CREM: variants seen among roughly 807,000 people sequenced by gnomAD.
The protein encoded by CREM is cAMP-responsive element modulator.
Under a neutral mutation model 37.3 loss-of-function variants are expected in CREM, and 13 were observed. The observed-to-expected ratio is 0.35, with a 90% CI of 0.23 to 0.55. CREM has a LOEUF of 0.55. Ranked by LOEUF, CREM falls within the 20% of genes least tolerant of loss-of-function variation. The pLI, the probability that CREM is intolerant of heterozygous loss-of-function variation, is 0.88. For missense variants in CREM, 296 were observed against 362.3 expected, an observed-to-expected ratio of 0.82 and a Z score of 1.49; for synonymous variants, 124 against 120.2, an observed-to-expected ratio of 1.03 and a Z score of -0.21.
intron 7 of CREM, among the ~76,000 whole-genome samples, chr10:35,210,065 TAA>T (rs111305829): frequency 4.0e-4 from 57 of 142,130 alleles, no homozygotes; most frequent in Admixed American, 5.6e-4. Context: ...TCAGCTATCT[TAA>T]AAAAAAAAAA....
rs764221989 is a variant in CREM at position 35,177,138 on chromosome 10, G to A, written c.169-1751G>A. On this transcript the variant is annotated intron_variant, in intron 3 of 7. Coordinates refer to ENST00000685392, the MANE Select transcript of CREM (RefSeq NM_183011.2). The stretch of plus-strand genomic sequence containing the variant: ...ATACATAGTATAGTCCTTTTCTTGC[G>A]TGTTCAAGTAGTTTATCACAGTAGA... Among the ~76,000 whole-genome samples, 8 of 152,132 alleles carry A rather than the reference G, an allele frequency of 5.3e-5. No individual in the cohort carries two copies. The East Asian group carries it at 9.6e-4, about 18-fold the overall frequency.
At chr10:35,201,452 T>G in intron 6 of CREM, 2 of 1,551,608 alleles carry the variant, frequency 1.3e-6, no homozygotes, top group Non-Finnish European at 1.7e-6. Flanking sequence ...ATTTTACAGA[T>G]GAGGAAACTG....
In CREM at chr10:35,212,327, G is replaced by T. The variant is rs1387641233; in HGVS notation, c.*929G>T. The T allele has an allele frequency of 1.3e-5, 2 of 152,150 alleles. No individual in the cohort carries two copies. Among genetic ancestry groups the T allele is most frequent in the Non-Finnish European group, 2.9e-5 (2 of 68,012 alleles). The allele number at this position is 152,150 out of a possible 1,614,324, so 9.4% of individuals were successfully genotyped here. On this transcript the variant is annotated 3_prime_UTR_variant, in exon 8 of 8. Coordinates refer to ENST00000685392, the MANE Select transcript of CREM (RefSeq NM_183011.2). Reference sequence around the variant, plus strand: ...TTAAAAAAAAAAAGATTGTATTGCTGTCCTTGAATGCCATAGTCAAAGAGA... The same window carrying T: ...TTAAAAAAAAAAAGATTGTATTGCTTTCCTTGAATGCCATAGTCAAAGAGA...
intron 1 of CREM, among the ~76,000 whole-genome samples, chr10:35,134,654 A>T (rs1190131932): frequency 6.6e-6 from 1 of 152,300 alleles, no homozygotes; most frequent in South Asian, 2.1e-4. Flanking sequence ...TTCAGATTTC[A>T]CCATTTGTTC....
At chr10:35,158,817 G>GTTTTTTTTT (rs1491230780) in intron 3 of CREM, among the ~76,000 whole-genome samples, 2 of 65,030 alleles carry the variant, frequency 3.1e-5, no homozygotes, top group African/African-American at 9.1e-5. Flanking sequence ...TTGTTGTTTT[G>GTTTTTTTTT]TTTGTTTTTT....
At chr10:35,182,855 G>A (rs1277148239) in intron 5 of CREM, among the ~76,000 whole-genome samples, 2 of 152,192 alleles carry the variant, frequency 1.3e-5, no homozygotes, top group East Asian at 3.8e-4. Flanking sequence ...TGAGCTGGTC[G>A]AAGAAAGTCT....
intron 2 of CREM, among the ~76,000 whole-genome samples, chr10:35,147,619 A>G (rs1186106219): frequency 6.6e-6 from 1 of 152,208 alleles, no homozygotes; most frequent in Non-Finnish European, 1.5e-5. Context: ...TTTAATTTAG[A>G]CGATGGGGAA....
intron 6 of CREM, 48 bp downstream of exon 6, chr10:35,188,436 A>G (rs1344588381): frequency 6.7e-7 from 1 of 1,488,282 alleles, no homozygotes; most frequent in Non-Finnish European, 9.1e-7. Context: ...GGATTACTAT[A>G]TCACACCATT....
intron 1 of CREM, among the ~76,000 whole-genome samples, chr10:35,129,924 TGG>T (rs1181591880): frequency 3.9e-5 from 6 of 152,184 alleles, no homozygotes; most frequent in Non-Finnish European, 8.8e-5. Flanking sequence ...AGGCCGGGCA[TGG>T]TGGCTCACGC....
chr10:35,192,248 T>C (rs2094948921), intron 6 of CREM, among the ~76,000 whole-genome samples: 1 of 152,222 alleles, frequency 6.6e-6, no homozygotes, highest in Non-Finnish European at 1.5e-5. Context: ...GCTAAACTCT[T>C]CATTCCTCAC....
chr10:35,154,813 T>C (rs1213954104), intron 3 of CREM, among the ~76,000 whole-genome samples: 1 of 152,186 alleles, frequency 6.6e-6, no homozygotes, highest in African/African-American at 2.4e-5. Context: ...TTATTGAAGG[T>C]AATTCAAGGT....
At chr10:35,195,102 C>A in intron 6 of CREM, 1 of 1,413,660 alleles carries the variant, frequency 7.1e-7, no homozygotes. Flanking sequence ...AGTCCTCCTG[C>A]TTATCCTGCA....
chr10:35,154,187 T>G (rs980147609), intron 3 of CREM: 2 of 397,762 alleles, frequency 5.0e-6, no homozygotes, highest in Non-Finnish European at 8.9e-6. Context: ...TTTTCTTTTT[T>G]AATCTGGTGG....
chr10:35,141,598 T>C (rs995776883), intron 2 of CREM, among the ~76,000 whole-genome samples: 3 of 152,206 alleles, frequency 2.0e-5, no homozygotes, highest in Non-Finnish European at 4.4e-5. Flanking sequence ...AGTTTAGTTC[T>C]GGACCCACTG....
chr10:35,136,686 A>G (rs1026888786), intron 1 of CREM, among the ~76,000 whole-genome samples: 5 of 152,188 alleles, frequency 3.3e-5, no homozygotes, highest in East Asian at 1.9e-4. Flanking sequence ...TCTGAAAGCA[A>G]TGTGTCTGTC....
At chr10:35,151,633 T>C (rs1450323367) in intron 3 of CREM, among the ~76,000 whole-genome samples, 1 of 152,210 alleles carries the variant, frequency 6.6e-6, no homozygotes, top group African/African-American at 2.4e-5. Context: ...TTTGATCTCC[T>C]GAAGTGCTGG....
chr10:35,192,855 TCCAAATCTTTCATGTGGC>T (rs1193711105), intron 6 of CREM, among the ~76,000 whole-genome samples: 2 of 152,178 alleles, frequency 1.3e-5, no homozygotes, highest in African/African-American at 2.4e-5. Context: ...TAGACAAAGC[TCCAAATCTTTCATGTGGC>T]CCAAATCTTT....
intron 6 of CREM, among the ~76,000 whole-genome samples, chr10:35,205,893 G>A (rs1227351929): frequency 6.6e-6 from 1 of 152,006 alleles, no homozygotes; most frequent in African/African-American, 2.4e-5. Flanking sequence ...GGGAGGTGGA[G>A]GTTACAGTGA....
At chr10:35,153,318 G>A (rs1309845455) in intron 3 of CREM, among the ~76,000 whole-genome samples, 3 of 151,776 alleles carry the variant, frequency 2.0e-5, no homozygotes, top group South Asian at 2.1e-4. Context: ...TCTTCTTGTC[G>A]CTGAAGTATT....
Sources: allele counts gnomAD v4.1 joint callset (sites outside exome capture counted in the v4.1 genomes callset), GRCh38; gene constraint gnomAD v4.1.1; transcripts MANE v1.5; gene names NCBI Gene and HGNC (gene_info 2026-07-23, HGNC 2026-07-21).